Variants in KIF12 observed in about 807,000 individuals in gnomAD.
KIF12 encodes kinesin family member 12.
KIF12 carries 80 observed loss-of-function variants against 87.9 expected under a neutral mutation model. The observed-to-expected ratio is 0.91, with a 90% confidence interval of 0.76 to 1.10. The LOEUF (loss-of-function observed/expected upper bound fraction) is 1.10. Ranked by LOEUF, KIF12 falls within the 50% of genes least tolerant of loss-of-function variation. KIF12 has a pLI of 0.00. For synonymous variants in KIF12, 353 were observed against 348.5 expected (o/e 1.01, Z -0.14); for missense variants, 819 against 865.3 (o/e 0.95, Z 0.67).
chr9:114,098,454 G>C (rs757918190), intron 3 of KIF12, 25 bp from the exon 4 acceptor site: 4 of 1,483,734 alleles, frequency 2.7e-6, no homozygotes, highest in Non-Finnish European at 3.5e-6. Flanking sequence ...GCGGAGGAGC[G>C]GGGCACTCTG....
intron 5 of KIF12, 61 bp from the exon 6 acceptor site, chr9:114,097,802 C>T (rs1262812549): frequency 1.9e-6 from 3 of 1,552,362 alleles, no homozygotes; most frequent in East Asian, 2.4e-5. Context: ...CTCTGTAGCG[C>T]ATGTATGATA....
chr9:114,092,668 T>G, intron 16 of KIF12, 26 bp from the exon 17 acceptor site: 1 of 1,558,066 alleles, frequency 6.4e-7, no homozygotes, highest in Non-Finnish European at 8.6e-7. Context: ...GAGTCCACTC[T>G]GGGTGACCTC....
In KIF12 at chr9:114,096,432, GGA is replaced by G; in HGVS notation, c.691_692del (p.Ser231GlnfsTer42). ...RNSAHTLNQA[S>X]SRSHALLTLY... ...GGGTGAGCAGGGCATGGCTTCGGCT[GGA>G]GGCCTGGTTCAGGGTGTGGGCTGAG... On this transcript the variant is annotated frameshift_variant, in exon 8 of 19. Coordinates refer to ENST00000640217, the MANE Select transcript of KIF12 (RefSeq NM_001388308.1). LOFTEE classifies it high-confidence loss of function. 4 of 1,613,086 alleles carry G rather than the reference GGA, an allele frequency of 2.5e-6. No homozygotes were observed. Among genetic ancestry groups the G allele is most frequent in the Non-Finnish European group, 3.4e-6 (4 of 1,179,668 alleles).
Position 114,098,909 on chromosome 9 carries a change from G to A in KIF12, c.171+26C>T, listed in dbSNP as rs924921219. On this transcript the variant is annotated intron_variant, in intron 3 of 18. Transcript: ENST00000640217. ...CTGGCGTCCCCGGGATTTTTTATTG[G>A]GGAGATAGAGAGAGGGGTTCCTCAC... 7.6e-5 allele frequency: 117 copies of A among 1,540,846 alleles called. 1 individual carries two copies. The East Asian group carries it at 2.8e-3, about 37-fold the overall frequency.
At chr9:114,098,579 T>A in intron 3 of KIF12, 150 bp from the exon 4 acceptor site, 1 of 246,028 alleles carries the variant, frequency 4.1e-6, no homozygotes, top group Non-Finnish European at 6.8e-6. Flanking sequence ...GGTAGGGCGC[T>A]CGGTGAGGCA....
rs1207668058 is a variant in KIF12 at position 114,097,282 on chromosome 9, C to A, written c.646+19G>T. 6.2e-7 allele frequency: 1 copy of A among 1,605,412 alleles called. No homozygotes were observed. On this transcript the variant is annotated intron_variant, in intron 7 of 18. Coordinates refer to ENST00000640217, the MANE Select transcript of KIF12 (RefSeq NM_001388308.1). ...AATGGGCACCCCTACCCGCAAAACTCCCCGCTGTCAGCACACACCCGTTTG... is the reference window on the plus strand; with the variant it reads ...AATGGGCACCCCTACCCGCAAAACTACCCGCTGTCAGCACACACCCGTTTG...
intron 16 of KIF12, 33 bp downstream of exon 16, chr9:114,093,196 G>A: frequency 6.6e-7 from 1 of 1,511,796 alleles, no homozygotes; most frequent in Non-Finnish European, 9.0e-7. Context: ...AGTTCTCCCA[G>A]CCTTCCCTCA....
Position 114,092,585 on chromosome 9 carries a change from C to T in KIF12, c.1654G>A (p.Ala552Thr). The T allele has an allele frequency of 6.2e-7, 1 of 1,607,336 alleles. No homozygotes were observed. Among genetic ancestry groups the T allele is most frequent in the Middle Eastern group, 1.8e-4 (1 of 5,678 alleles). Residue 552 changes from alanine to threonine, a missense_variant, in exon 17 of 19, where the codon GCA becomes ACA. Coordinates refer to ENST00000640217, the MANE Select transcript of KIF12 (RefSeq NM_001388308.1). Reference protein sequence around the residue: ...RPPSARPPPWAPPCSPGSAKC... With the variant: ...RPPSARPPPWTPPCSPGSAKC... ...GCAGAGCCAGGGCTGCATGGGGGTG[C>T]CCAGGGTGGGGGCCGGGCAGATGGG...
intron 16 of KIF12, 101 bp downstream of exon 16, chr9:114,093,128 G>T: frequency 8.1e-7 from 1 of 1,236,304 alleles, no homozygotes; most frequent in Non-Finnish European, 1.2e-6. Flanking sequence ...CCATGATCTA[G>T]CCTGCAGCCC....
chr9:114,093,845 T>C, intron 14 of KIF12, 41 bp downstream of exon 14: 1 of 1,548,572 alleles, frequency 6.5e-7, no homozygotes. Flanking sequence ...CCAGCTGCCC[T>C]CTGTCCAGAG....
chr9:114,097,405 C>G lies in KIF12; in HGVS notation c.542G>C (p.Arg181Pro), dbSNP rs776122749. Residue 181 changes from arginine to proline, a missense_variant, in exon 7 of 19, where the codon CGG becomes CCG. Physicochemically the swap from Arg to Pro is moderately radical, Grantham distance 103 (BLOSUM62 -2). Coordinates refer to ENST00000640217, the MANE Select transcript of KIF12 (RefSeq NM_001388308.1). ...CTTGTTCCAGCGAACAGGGAGGGGC[C>G]GGGGAGACCCCAGGCTCAGCAAGTC... ...VRDLLSLGSPRPLPVRWNKTR... is the reference protein window; with the variant it reads ...VRDLLSLGSPPPLPVRWNKTR... 2.5e-6 allele frequency: 4 copies of G among 1,601,864 alleles called. 1 individual carries two copies. In the South Asian group the frequency reaches 3.4e-5, roughly 13 times the overall value.
chr9:114,097,415 C>T lies in KIF12; in HGVS notation c.532G>A (p.Gly178Arg). 2 of 1,596,532 alleles carry T rather than the reference C, an allele frequency of 1.3e-6. No homozygotes were observed. Among genetic ancestry groups the T allele is most frequent in the Non-Finnish European group, 8.5e-7 (1 of 1,173,860 alleles). Residue 178 changes from glycine to arginine, a missense_variant, in exon 7 of 19, where the codon GGG becomes AGG. Physicochemically the swap from Gly to Arg is moderately radical, Grantham distance 125. Coordinates refer to ENST00000640217, the MANE Select transcript of KIF12 (RefSeq NM_001388308.1). The stretch of plus-strand genomic sequence containing the variant: ...CGAACAGGGAGGGGCCGGGGAGACC[C>T]CAGGCTCAGCAAGTCCCGAACCTGG... The part of the protein sequence containing the change: ...NEQVRDLLSL[G>R]SPRPLPVRWN...
chr9:114,093,120 A>G, intron 16 of KIF12, 109 bp downstream of exon 16: 1 of 1,218,420 alleles, frequency 8.2e-7, no homozygotes, highest in Non-Finnish European at 1.2e-6. Context: ...TTCACTCCCC[A>G]TGATCTAGCC....
chr9:114,098,825 G>A, intron 3 of KIF12, 110 bp downstream of exon 3: 2 of 1,260,344 alleles, frequency 1.6e-6, no homozygotes, highest in South Asian at 1.4e-5. Context: ...GGGGCACCTG[G>A]GAGAGGACCA....
intron 14 of KIF12, 65 bp from the exon 15 acceptor site, chr9:114,093,562 C>G: frequency 7.6e-7 from 1 of 1,324,322 alleles, no homozygotes; most frequent in Non-Finnish European, 1.1e-6. Context: ...GCTTTCAAAT[C>G]CCCTTCCCAG....
In KIF12 at chr9:114,091,926, C is replaced by T. The variant is rs780791026; in HGVS notation, c.1891G>A (p.Gly631Ser). 3.2e-5 allele frequency: 52 copies of T among 1,612,696 alleles called. No individual in the cohort carries two copies. The South Asian group carries it at 5.6e-4, about 17-fold the overall frequency. Residue 631 changes from glycine to serine, a missense_variant, in exon 19 of 19, where the codon GGC becomes AGC. Physicochemically the swap from Gly to Ser is moderately conservative, Grantham distance 56. Transcript: ENST00000640217. ...TCACTGCAGGGTGGCTGGCTGCGGC[C>T]ACGTCGCAGGGAGCTGCCAATCTGG... ...RDQIGSSLRR[G>S]RSQPPCSEGA...
intron 3 of KIF12, 128 bp from the exon 4 acceptor site, chr9:114,098,557 A>ACTCTGGAGGAGGGCGGGGCT: frequency 2.3e-6 from 1 of 444,074 alleles, no homozygotes; most frequent in Non-Finnish European, 3.2e-6. Context: ...AGGGCGGGGC[A>ACTCTGGAGGAGGGCGGGGCT]CCCTGGAGAA....
chr9:114,098,858 G>A (rs1847361813), intron 3 of KIF12, 77 bp downstream of exon 3: 1 of 1,497,404 alleles, frequency 6.7e-7, no homozygotes, highest in Admixed American at 2.0e-5. Context: ...GCGGGGCCTA[G>A]GGCAAAGTTG....
In KIF12 at chr9:114,093,442, A is replaced by G. The variant is rs1482311934; in HGVS notation, c.1456T>C (p.Cys486Arg). ...GGAGCTGGGGCCATCAAGCAGGGAC[A>G]CGGTGGGGTCAGGCCAGGACCCTGC... ...HQQGPGLTPP[C>R]PCLMAPAPPC... is the part of the protein sequence containing the mutation. The change falls in exon 15 of 19, where the codon TGT (cysteine) becomes CGT (arginine). Residue 486 changes from cysteine to arginine, a missense_variant. Physicochemically the swap from Cys to Arg is radical, Grantham distance 180. Coordinates refer to ENST00000640217, the MANE Select transcript of KIF12 (RefSeq NM_001388308.1). 11 of 1,570,740 alleles carry G rather than the reference A, an allele frequency of 7.0e-6. No homozygotes were observed. The highest frequency in any genetic ancestry group is 9.5e-6 in the Non-Finnish European group (11 of 1,157,560).
Sources: gnomAD v4.1 joint callset for allele counts on GRCh38, gnomAD v4.1.1 for gene constraint, MANE v1.5 for transcripts, NCBI Gene and HGNC (gene_info 2026-07-23, HGNC 2026-07-21) for gene names.